ABCB7: variants seen among roughly 807,000 people sequenced by gnomAD.
ABCB7 encodes iron-sulfur clusters transporter ABCB7, mitochondrial.
A neutral mutation model predicts 54.4 loss-of-function variants in ABCB7; 7 were observed. That is an observed-to-expected ratio of 0.13 (90% CI 0.07 to 0.24). The LOEUF (loss-of-function observed/expected upper bound fraction) is 0.24. ABCB7 is among the 10% of genes least tolerant of loss of function. The probability of loss-of-function intolerance (pLI) is 1.00; values close to 1 mark genes in which losing one functional copy is unlikely to be tolerated. For synonymous variants in ABCB7, 218 were observed against 207.1 expected, an observed-to-expected ratio of 1.05 and a Z score of -0.45; for missense variants, 356 against 570.4, an observed-to-expected ratio of 0.62 and a Z score of 3.83.
rs1309846371 is a variant in ABCB7 at position 75,069,184 on chromosome X, G to A, written c.1530-48C>T. The A allele has an allele frequency of 5.0e-6, 6 of 1,201,030 alleles. No homozygotes were observed. The South Asian group carries it at 8.8e-5, about 18-fold the overall frequency. ...GTTATTTAGCTCCTATTAATGTTAGGAAACCCCAGTTTTAAACCACAGTAA... is the reference window on the plus strand; with the variant it reads ...GTTATTTAGCTCCTATTAATGTTAGAAAACCCCAGTTTTAAACCACAGTAA... On this transcript the variant is annotated intron_variant, in intron 11 of 15. Coordinates refer to ENST00000373394, the MANE Select transcript of ABCB7 (RefSeq NM_001271696.3).
chrX:75,109,178 G>A (rs1244553029), intron 3 of ABCB7, among the ~76,000 whole-genome samples: 1 of 112,151 alleles, frequency 8.9e-6, no homozygotes, highest in Non-Finnish European at 1.9e-5. Flanking sequence ...AGTGTGATTT[G>A]AGGAAGAGAA....
chrX:75,053,056 C>A lies in ABCB7; in HGVS notation c.*314G>T, dbSNP rs966598105. 4.0e-6 allele frequency: 1 copy of A among 251,372 alleles called. No homozygotes were observed. Among genetic ancestry groups the A allele is most frequent in the Non-Finnish European group, 7.0e-6 (1 of 142,875 alleles). The allele number at this position is 251,372 out of a possible 1,213,427, so 20.7% of individuals were successfully genotyped here. ...TTTAAAAACTATAAAAATTGGGAAA[C>A]CAATCTGATTCATCTGGCTATAGAT... On this transcript the variant is annotated 3_prime_UTR_variant, in exon 16 of 16. Coordinates refer to ENST00000373394, the MANE Select transcript of ABCB7 (RefSeq NM_001271696.3).
chrX:75,154,250 G>A lies in ABCB7; in HGVS notation c.168+1855C>T, dbSNP rs961320727. 8.1e-5 allele frequency among the ~76,000 whole-genome samples: 9 copies of A among 111,706 alleles called. 1 individual carries two copies. The South Asian group carries it at 2.3e-3, about 28-fold the overall frequency. On this transcript the variant is annotated intron_variant, in intron 1 of 15. Transcript: ENST00000373394. ...GGAAGAAGGAAGTTGTGGAGATAGC[G>A]TTCATGGAAAGAGAGAAAGCTAAAT...
intron 1 of ABCB7, among the ~76,000 whole-genome samples, chrX:75,131,610 C>T (rs1323510814): frequency 8.9e-6 from 1 of 111,779 alleles, no homozygotes; most frequent in African/African-American, 3.3e-5. Flanking sequence ...AGACTACACA[C>T]AGACCGCCAT....
intron 1 of ABCB7, among the ~76,000 whole-genome samples, chrX:75,117,473 G>A (rs1373240336): frequency 7.2e-5 from 8 of 110,641 alleles, no homozygotes; most frequent in Admixed American, 2.9e-4. Flanking sequence ...AGGGTTAAAG[G>A]CTCCTCTCAA....
At chrX:75,122,964 T>C (rs1273970663) in intron 1 of ABCB7, among the ~76,000 whole-genome samples, 2 of 109,977 alleles carry the variant, frequency 1.8e-5, no homozygotes, top group Non-Finnish European at 3.8e-5. Context: ...GCAAATATTT[T>C]CTCCCATTCC....
At chrX:75,079,969 T>C (rs2081442471) in intron 4 of ABCB7, among the ~76,000 whole-genome samples, 1 of 112,303 alleles carries the variant, frequency 8.9e-6, no homozygotes, top group Non-Finnish European at 1.9e-5. Flanking sequence ...AATGGAATCA[T>C]ATATAACCTT....
intron 9 of ABCB7, 25 bp downstream of exon 9, chrX:75,071,484 A>C (rs201269113): frequency 7.5e-5 from 90 of 1,205,079 alleles, no homozygotes; most frequent in Non-Finnish European, 1.0e-4. Flanking sequence ...ACAGCCTGTA[A>C]ATGTGATAGC....
chrX:75,094,042 A>ATC (rs1165829798), intron 4 of ABCB7, among the ~76,000 whole-genome samples: 1 of 21,897 alleles, frequency 4.6e-5, no homozygotes, highest in African/African-American at 6.1e-5. Flanking sequence ...ATATATATAT[A>ATC]TATATATATA....
intron 2 of ABCB7, 65 bp from the exon 3 acceptor site, chrX:75,113,037 G>T: frequency 1.0e-6 from 1 of 974,665 alleles, no homozygotes; most frequent in South Asian, 1.9e-5. Context: ...TCACAATTTG[G>T]CTTGAACAGT....
At chrX:75,092,885 T>C (rs998722443) in intron 4 of ABCB7, among the ~76,000 whole-genome samples, 1 of 112,026 alleles carries the variant, frequency 8.9e-6, no homozygotes, top group Non-Finnish European at 1.9e-5. Flanking sequence ...CCTATTAGAA[T>C]GGCTAAAATC....
At chrX:75,121,906 CA>C (rs2081882225) in intron 1 of ABCB7, among the ~76,000 whole-genome samples, 1 of 111,619 alleles carries the variant, frequency 9.0e-6, no homozygotes, top group Admixed American at 9.5e-5. Flanking sequence ...ACCCTGAATA[CA>C]AGAGACCCTC....
intron 1 of ABCB7, among the ~76,000 whole-genome samples, chrX:75,126,765 G>T (rs1216874033): frequency 9.0e-6 from 1 of 111,345 alleles, no homozygotes; most frequent in Non-Finnish European, 1.9e-5. Context: ...TACCATCAGA[G>T]AATACTATAA....
chrX:75,127,610 T>C (rs781185058), intron 1 of ABCB7, among the ~76,000 whole-genome samples: 2 of 110,932 alleles, frequency 1.8e-5, no homozygotes, highest in Admixed American at 9.6e-5. Context: ...GGAAGAGAGG[T>C]AGTCAAATTG....
intron 4 of ABCB7, among the ~76,000 whole-genome samples, chrX:75,094,056 A>C (rs929739098): frequency 1.2e-5 from 1 of 82,852 alleles, no homozygotes; most frequent in Non-Finnish European, 2.4e-5. Flanking sequence ...ATATATATCT[A>C]TCTTATTATT....
intron 1 of ABCB7, among the ~76,000 whole-genome samples, chrX:75,149,898 C>T (rs1473108220): frequency 1.2e-4 from 13 of 111,437 alleles, no homozygotes; most frequent in Non-Finnish European, 2.5e-4. Context: ...CAAAAAAGCA[C>T]ATGGTCCAAG....
chrX:75,120,212 T>C (rs1159358391), intron 1 of ABCB7, among the ~76,000 whole-genome samples: 3 of 112,600 alleles, frequency 2.7e-5, no homozygotes, highest in African/African-American at 9.7e-5. Context: ...AAACAAAATT[T>C]GGAGCATATA....
intron 2 of ABCB7, among the ~76,000 whole-genome samples, chrX:75,113,462 A>AT (rs913838525): frequency 8.9e-6 from 1 of 111,951 alleles, no homozygotes; most frequent in African/African-American, 3.2e-5. Context: ...GAAACAAGGT[A>AT]TTTTTTAATA....
chrX:75,083,933 G>T (rs756697631), intron 4 of ABCB7, among the ~76,000 whole-genome samples: 2 of 111,098 alleles, frequency 1.8e-5, no homozygotes, highest in Non-Finnish European at 3.8e-5. Flanking sequence ...TTAAGCTGAA[G>T]AACATGATTA....
Sources: gnomAD v4.1 joint callset for allele counts (sites outside exome capture counted in the v4.1 genomes callset) on GRCh38, gnomAD v4.1.1 for gene constraint, MANE v1.5 for transcripts, NCBI Gene and HGNC (gene_info 2026-07-23, HGNC 2026-07-21) for gene names.